The following AADAT variants were observed in gnomAD, a reference collection of about 807,000 sequenced individuals.
The protein encoded by AADAT is kynurenine/alpha-aminoadipate aminotransferase, mitochondrial.
A neutral mutation model predicts 56.2 loss-of-function variants in AADAT; 25 were observed. The observed-to-expected ratio is 0.44, with a 90% CI of 0.32 to 0.62. The LOEUF is 0.62. AADAT is among the 20% of genes least tolerant of loss of function. The pLI is 0.04. For missense variants in AADAT, 387 were observed against 510.5 expected (o/e 0.76, Z 2.33); for synonymous variants, 173 against 164.7 (o/e 1.05, Z -0.39).
rs1731863067 is a variant in AADAT at position 170,073,310 on chromosome 4, G to C, written c.480C>G (p.Ala160=). Residue 160 remains alanine, a synonymous_variant, in exon 5 of 13, where the codon GCC becomes GCG. Transcript: ENST00000337664. ...CTGGAACAATCCCACTTTCATCACT[G>C]GCAACATTAATAATGTTGCAGCCCA... ...HPLGCNIINV[A]SDESGIVPDS... 5 of 1,613,838 alleles carry C rather than the reference G, an allele frequency of 3.1e-6. No individual in the cohort carries two copies. In the East Asian group the frequency reaches 1.1e-4, roughly 36 times the overall value.
At chr4:170,070,838 T>C (rs1413976043) in intron 5 of AADAT, among the ~76,000 whole-genome samples, 186 bp from the exon 6 acceptor site, 2 of 152,210 alleles carry the variant, frequency 1.3e-5, no homozygotes, top group Non-Finnish European at 2.9e-5. Flanking sequence ...TCACAGAAGT[T>C]AGATTCCAGG....
rs1240756905 is a variant in AADAT, at chr4:170,087,963, G to A, written c.236+433C>T. On this transcript the variant is annotated intron_variant, in intron 2 of 12. Transcript: ENST00000337664. ...TAGACTATAGAATGAAGAAACGGAA[G>A]ATCCAGGATGCTTAAACTTTAAAAA... is the stretch of plus-strand genomic sequence containing the variant. Among the ~76,000 whole-genome samples the A allele has an allele frequency of 2.0e-5, 3 of 150,336 alleles. No homozygotes were observed. In the East Asian group the frequency reaches 6.1e-4, roughly 31 times the overall value.
intron 4 of AADAT, among the ~76,000 whole-genome samples, chr4:170,075,040 C>G (rs758154440): frequency 1.3e-5 from 2 of 152,212 alleles, no homozygotes; most frequent in Non-Finnish European, 2.9e-5. Context: ...TGAAGCACAT[C>G]TACCATGAAT....
At chr4:170,074,171 C>CT (rs922121024) in intron 4 of AADAT, among the ~76,000 whole-genome samples, 2 of 152,086 alleles carry the variant, frequency 1.3e-5, no homozygotes, top group East Asian at 3.8e-4. Flanking sequence ...ACGGAATTAT[C>CT]TTTTTTTCTG....
At chr4:170,078,616 C>A in intron 3 of AADAT, 33 bp from the exon 4 acceptor site, 1 of 1,500,162 alleles carries the variant, frequency 6.7e-7, no homozygotes, top group South Asian at 1.2e-5. Flanking sequence ...GCTTGTTAGT[C>A]AGCATAGGTT....
intron 3 of AADAT, among the ~76,000 whole-genome samples, chr4:170,086,109 T>C (rs1394401299): frequency 2.6e-5 from 4 of 151,976 alleles, no homozygotes; most frequent in African/African-American, 9.7e-5. Context: ...GCTAGGCATA[T>C]TGGTGTGCAC....
Position 170,089,825 on chromosome 4 carries a change from T to C in AADAT, c.-135A>G. 2 of 875,472 alleles carry C rather than the reference T, an allele frequency of 2.3e-6. No homozygotes were observed. The highest frequency in any genetic ancestry group is 3.6e-6 in the Non-Finnish European group (2 of 560,326). 54.2% of individuals were successfully genotyped at this position (875,472 alleles called of 1,614,324 possible). ...GCGAGATGTGTCCCCCCGCTGCGTC[T>C]GGCTTCCCGCGCGCGGTGCCCGGAG... is the stretch of plus-strand genomic sequence containing the variant. On this transcript the variant is annotated 5_prime_UTR_variant, in exon 1 of 13. Transcript: ENST00000337664.
rs1731604691 is a variant in AADAT, at chr4:170,068,647, C to G, written c.844G>C (p.Glu282Gln). Residue 282 changes from glutamate to glutamine, a missense_variant, in exon 8 of 13, where the codon GAG becomes CAG. Physicochemically the swap from Glu to Gln is conservative, Grantham distance 29. Transcript: ENST00000337664. ...GFLTGPKPLIERVILHIQVST... is the reference protein window; with the variant it reads ...GFLTGPKPLIQRVILHIQVST... ...ACTTGTATGTGTAAAATAACTCTCT[C>G]TATTAAGGGTTTTGGACCAGTTAAA... 3.1e-6 allele frequency: 5 copies of G among 1,608,612 alleles called. No homozygotes were observed. The highest frequency in any genetic ancestry group is 4.2e-6 in the Non-Finnish European group (5 of 1,179,094).
chr4:170,073,065 T>C (rs908652454), intron 5 of AADAT, 71 bp downstream of exon 5: 2 of 1,416,728 alleles, frequency 1.4e-6, no homozygotes, highest in Non-Finnish European at 1.9e-6. Context: ...AAAGGGAGCT[T>C]GCATAGTGCT....
chr4:170,081,427 G>C (rs565312652), intron 3 of AADAT, among the ~76,000 whole-genome samples: 21 of 152,230 alleles, frequency 1.4e-4, no homozygotes, highest in African/African-American at 5.1e-4. Context: ...AAACGTGAGA[G>C]AGATAAATAT....
intron 3 of AADAT, among the ~76,000 whole-genome samples, chr4:170,083,413 G>A (rs554433138): frequency 1.3e-5 from 2 of 152,126 alleles, no homozygotes; most frequent in Non-Finnish European, 2.9e-5. Context: ...AGCAATAAAC[G>A]CCTGTTTCAA....
intron 1 of AADAT, chr4:170,089,210 C>G: frequency 2.7e-6 from 1 of 368,230 alleles, no homozygotes; most frequent in South Asian, 2.3e-5. Flanking sequence ...CCCTCCTCCA[C>G]TTAGCCCCGA....
intron 9 of AADAT, among the ~76,000 whole-genome samples, chr4:170,066,868 A>C (rs1731491260): frequency 6.6e-6 from 1 of 152,122 alleles, no homozygotes; most frequent in Non-Finnish European, 1.5e-5. Context: ...CTTATTTCTA[A>C]ATGTCCTAGG....
At chr4:170,068,191 G>A (rs2111157026) in intron 8 of AADAT, among the ~76,000 whole-genome samples, 1 of 150,514 alleles carries the variant, frequency 6.6e-6, no homozygotes, top group South Asian at 2.1e-4. Flanking sequence ...GTGAACGTCT[G>A]TTGATAACAG....
chr4:170,083,768 C>T (rs139061212), intron 3 of AADAT, among the ~76,000 whole-genome samples: 20 of 152,064 alleles, frequency 1.3e-4, no homozygotes, highest in African/African-American at 2.2e-4. Context: ...GAAAGGGGAA[C>T]CTTTATACAC....
At chr4:170,073,587 C>A (rs1246031914) in intron 4 of AADAT, among the ~76,000 whole-genome samples, 1 of 151,880 alleles carries the variant, frequency 6.6e-6, no homozygotes, top group Non-Finnish European at 1.5e-5. Flanking sequence ...TCACTGCAAC[C>A]TCCCTGGTTC....
chr4:170,087,874 T>C (rs1269329260), intron 2 of AADAT, among the ~76,000 whole-genome samples: 1 of 151,896 alleles, frequency 6.6e-6, no homozygotes, highest in East Asian at 1.9e-4. Context: ...TGTATTTGAA[T>C]GGCTGCTTGT....
intron 11 of AADAT, among the ~76,000 whole-genome samples, chr4:170,062,977 C>T (rs1268005317): frequency 1.3e-5 from 2 of 152,146 alleles, no homozygotes; most frequent in African/African-American, 2.4e-5. Flanking sequence ...TTGAGATTTT[C>T]AAGTTTATCT....
Position 170,060,880 on chromosome 4 carries a change from G to T in AADAT, c.*48C>A, listed in dbSNP as rs1293112039. 9 of 1,455,302 alleles carry T rather than the reference G, an allele frequency of 6.2e-6. No individual in the cohort carries two copies. The South Asian group carries it at 1.0e-4, about 17-fold the overall frequency. 90.1% of individuals were successfully genotyped at this position (1,455,302 alleles called of 1,614,324 possible). A position where few individuals can be genotyped will look rare whatever the true frequency, so the allele number is the denominator to read the frequency against. ...TCCTCCCTCCTCTGCCTCCCAAAGTGCTGGGATTATAGGTGTGAGCCACCA... is the reference window on the plus strand; with the variant it reads ...TCCTCCCTCCTCTGCCTCCCAAAGTTCTGGGATTATAGGTGTGAGCCACCA... On this transcript the variant is annotated 3_prime_UTR_variant, in exon 13 of 13. Transcript: ENST00000337664.
Sources: allele counts gnomAD v4.1 joint callset (sites outside exome capture counted in the v4.1 genomes callset), GRCh38; gene constraint gnomAD v4.1.1; transcripts MANE v1.5; gene names NCBI Gene and HGNC (gene_info 2026-07-23, HGNC 2026-07-21).